The following CHRM3 variants were observed in gnomAD, a reference collection of about 807,000 sequenced individuals.
CHRM3 encodes muscarinic acetylcholine receptor M3.
In CHRM3, 11 loss-of-function variants were observed where a neutral mutation model predicts 41.8. That is an observed-to-expected ratio of 0.26 (90% confidence interval 0.17 to 0.44). The LOEUF is 0.44. Among genes scored for constraint, CHRM3 ranks in the 20% least tolerant of loss-of-function variants. CHRM3 has a pLI of 1.00. For synonymous variants in CHRM3, 297 were observed against 301.4 expected (o/e 0.99, Z 0.15); for missense variants, 571 against 745.4 (o/e 0.77, Z 2.72).
In CHRM3 at chr1:239,826,716, A is replaced by G. The variant is rs1243265814; in HGVS notation, c.-146-536A>G. ...ACACGATCCTGAATGAGAAAAACCT[A>G]TAAGCAATGTACAAAATATGGATAA... On this transcript the variant is annotated intron_variant, in intron 5 of 6. Transcript: ENST00000676153. The G allele has an allele frequency of 2.6e-5, 4 of 152,226 alleles. No individual in the cohort carries two copies. The South Asian group carries it at 6.2e-4, about 24-fold the overall frequency. The allele number at this position is 152,226 out of a possible 1,614,324, so 9.4% of individuals were successfully genotyped here.
chr1:239,845,117 A>G (rs2149192333), intron 6 of CHRM3, among the ~76,000 whole-genome samples: 1 of 152,294 alleles, frequency 6.6e-6, no homozygotes, highest in Non-Finnish European at 1.5e-5. Context: ...TAAATTTTCC[A>G]TTACACTCTA....
At chr1:239,875,671 T>C (rs373134004) in intron 6 of CHRM3, among the ~76,000 whole-genome samples, 8 of 152,194 alleles carry the variant, frequency 5.3e-5, no homozygotes, top group African/African-American at 1.9e-4. Flanking sequence ...GACAGTATCA[T>C]GTAGCCATGG....
chr1:239,517,180 T>C (rs777689023), intron 2 of CHRM3, among the ~76,000 whole-genome samples: 2 of 152,182 alleles, frequency 1.3e-5, no homozygotes, highest in Non-Finnish European at 2.9e-5. Context: ...GCCCAAAAGT[T>C]TGGAGGCCAC....
chr1:239,531,035 A>G (rs1011814064), intron 2 of CHRM3, among the ~76,000 whole-genome samples: 3 of 152,198 alleles, frequency 2.0e-5, no homozygotes, highest in Non-Finnish European at 4.4e-5. Context: ...CATCATGATC[A>G]AACTGCTGAA....
intron 5 of CHRM3, among the ~76,000 whole-genome samples, chr1:239,771,319 C>G (rs1442996232): frequency 6.6e-6 from 1 of 152,130 alleles, no homozygotes; most frequent in African/African-American, 2.4e-5. Context: ...TGCCTCCTCT[C>G]TGCCCTGGAT....
chr1:239,911,071 A>G lies in CHRM3; in HGVS notation c.*1847A>G, dbSNP rs569073691. 36 of 167,178 alleles carry G rather than the reference A, an allele frequency of 2.2e-4. No individual in the cohort carries two copies. The allele number at this position is 167,178 out of a possible 1,614,324, so 10.4% of individuals were successfully genotyped here. ...TTGAGCAATGAATAGAGTATATTGG[A>G]GCTTTCCTGTGGCTAAGAAGAAGAA... On this transcript the variant is annotated 3_prime_UTR_variant, in exon 7 of 7. Transcript: ENST00000676153.
chr1:239,766,862 C>G (rs546818339), intron 5 of CHRM3, among the ~76,000 whole-genome samples: 78 of 152,198 alleles, frequency 5.1e-4, no homozygotes, highest in African/African-American at 1.8e-3. Flanking sequence ...CAGGCACACG[C>G]CACCATGCCT....
chr1:239,467,298 A>G (rs1322130755), intron 1 of CHRM3, among the ~76,000 whole-genome samples: 1 of 151,924 alleles, frequency 6.6e-6, no homozygotes, highest in Non-Finnish European at 1.5e-5. Context: ...CTTGGTGTAA[A>G]TGCCTCTAGT....
chr1:239,530,199 G>A (rs764036323), intron 2 of CHRM3, among the ~76,000 whole-genome samples: 11 of 152,108 alleles, frequency 7.2e-5, no homozygotes, highest in Admixed American at 3.3e-4. Flanking sequence ...CACCGTGCCC[G>A]GCCCAAATTA....
chr1:239,811,245 A>G (rs1438147749), intron 5 of CHRM3, among the ~76,000 whole-genome samples: 1 of 152,120 alleles, frequency 6.6e-6, no homozygotes, highest in Non-Finnish European at 1.5e-5. Context: ...CTGCCATTAG[A>G]TTTATTTTAG....
In CHRM3 at chr1:239,911,287, T is replaced by C. The variant is rs1450863541; in HGVS notation, c.*2063T>C. 1 of 166,372 alleles carries C rather than the reference T, an allele frequency of 6.0e-6. No individual in the cohort carries two copies. Among genetic ancestry groups the C allele is most frequent in the Non-Finnish European group, 1.5e-5 (1 of 67,974 alleles). The allele number at this position is 166,372 out of a possible 1,614,324, so 10.3% of individuals were successfully genotyped here. A position where few individuals can be genotyped will look rare whatever the true frequency, so the allele number is the denominator to read the frequency against. On this transcript the variant is annotated 3_prime_UTR_variant, in exon 7 of 7. Coordinates refer to ENST00000676153, the MANE Select transcript of CHRM3 (RefSeq NM_001375978.1). Reference sequence around the variant, plus strand: ...AAAACAATCAGCATAATTGTAAGAATGATTTTTTTGGGCCCACATTCAACC... The same window carrying C: ...AAAACAATCAGCATAATTGTAAGAACGATTTTTTTGGGCCCACATTCAACC...
intron 6 of CHRM3, among the ~76,000 whole-genome samples, chr1:239,856,898 G>C (rs1303942746): frequency 6.6e-6 from 1 of 152,098 alleles, no homozygotes; most frequent in African/African-American, 2.4e-5. Flanking sequence ...TTGCAAAGAA[G>C]GTAGGTAAAA....
At chr1:239,425,825 G>C in intron 1 of CHRM3, among the ~76,000 whole-genome samples, 1 of 151,964 alleles carries the variant, frequency 6.6e-6, no homozygotes, top group East Asian at 1.9e-4. Flanking sequence ...TCCATTCCTT[G>C]TCATTGTGTC....
intron 4 of CHRM3, among the ~76,000 whole-genome samples, chr1:239,669,943 A>G (rs1674192329): frequency 6.6e-6 from 1 of 152,232 alleles, no homozygotes; most frequent in South Asian, 2.1e-4. Context: ...TTTTAGAAAC[A>G]AACACAAGAC....
At chr1:239,468,947 CTAA>C (rs1267632512) in intron 1 of CHRM3, among the ~76,000 whole-genome samples, 1 of 151,988 alleles carries the variant, frequency 6.6e-6, no homozygotes, top group East Asian at 1.9e-4. Flanking sequence ...TACCAACAGA[CTAA>C]TATGTTTCTA....
At chr1:239,404,320 G>A (rs1339227259) in intron 1 of CHRM3, among the ~76,000 whole-genome samples, 10 of 137,822 alleles carry the variant, frequency 7.3e-5, no homozygotes, top group South Asian at 2.4e-4. Context: ...AAGAAAGAAA[G>A]GAAGGAAGGA....
intron 1 of CHRM3, among the ~76,000 whole-genome samples, chr1:239,428,565 A>T (rs1397082103): frequency 6.6e-6 from 1 of 152,224 alleles, no homozygotes. Flanking sequence ...GTTGAATAAA[A>T]CGGAATTTTT....
chr1:239,693,509 T>C (rs775321176), intron 5 of CHRM3, among the ~76,000 whole-genome samples: 1 of 152,200 alleles, frequency 6.6e-6, no homozygotes, highest in Non-Finnish European at 1.5e-5. Context: ...AAATGTCTGT[T>C]GTTTAAGGCA....
rs558106833 is a variant in CHRM3, at chr1:239,869,513, G to A, written c.-19-37920G>A. On this transcript the variant is annotated intron_variant, in intron 6 of 6. Coordinates refer to ENST00000676153, the MANE Select transcript of CHRM3 (RefSeq NM_001375978.1). ...CCTGGTGGAGGTAAGCCTTAAAGTG[G>A]TCTCTGCCTGGGCTACAGAATCAGC... Among the ~76,000 whole-genome samples, 16 of 152,102 alleles carry A rather than the reference G, an allele frequency of 1.1e-4. No homozygotes were observed. In the South Asian group the frequency reaches 3.3e-3, roughly 32 times the overall value.
Sources: allele counts gnomAD v4.1 joint callset (sites outside exome capture counted in the v4.1 genomes callset), GRCh38; gene constraint gnomAD v4.1.1; transcripts MANE v1.5; gene names NCBI Gene and HGNC (gene_info 2026-07-23, HGNC 2026-07-21).